Variants in ITPKC observed in about 807,000 individuals in gnomAD.
ITPKC encodes inositol-trisphosphate 3-kinase C.
In ITPKC, 33 loss-of-function variants were observed where a neutral mutation model predicts 67.1. The observed-to-expected ratio is 0.49, with a 90% CI of 0.37 to 0.66. ITPKC has a LOEUF of 0.66. Ranked by LOEUF, ITPKC falls within the 30% of genes least tolerant of loss-of-function variation. The probability of loss-of-function intolerance (pLI) is 0.00; values close to 1 mark genes in which losing one functional copy is unlikely to be tolerated. For synonymous variants in ITPKC, 341 were observed against 359.8 expected (o/e 0.95, Z 0.59); for missense variants, 820 against 892.1 (o/e 0.92, Z 1.03).
chr19:40,729,495 G>GT, intron 3 of ITPKC, 80 bp downstream of exon 3: 1 of 1,233,998 alleles, frequency 8.1e-7, no homozygotes. Flanking sequence ...GCCAGGCGCG[G>GT]TGGCTCACGC....
At chr19:40,736,822 C>CA (rs765434709) in intron 4 of ITPKC, among the ~76,000 whole-genome samples, 164 bp from the exon 5 acceptor site, 56 of 115,410 alleles carry the variant, frequency 4.9e-4, no homozygotes, top group Non-Finnish European at 8.1e-4. Flanking sequence ...CATACTACCA[C>CA]ACCAGAATTT....
At chr19:40,725,286 G>T (rs2082241341) in intron 1 of ITPKC, 54 bp from the exon 2 acceptor site, 1 of 1,182,926 alleles carries the variant, frequency 8.5e-7, no homozygotes. Context: ...AGCACCTCTA[G>T]CCCCTGCCTT....
At chr19:40,726,606 G>A (rs2082247496) in intron 2 of ITPKC, among the ~76,000 whole-genome samples, 1 of 152,140 alleles carries the variant, frequency 6.6e-6, no homozygotes, top group Admixed American at 6.5e-5. Flanking sequence ...TGTGCCCATT[G>A]GCAAATGGCG....
chr19:40,733,468 G>C, intron 4 of ITPKC, 104 bp downstream of exon 4: 19 of 1,091,586 alleles, frequency 1.7e-5, no homozygotes, highest in Non-Finnish European at 2.5e-5. Flanking sequence ...GACGGCGTGG[G>C]ATGAAAGGCT....
chr19:40,717,316 C>G lies in ITPKC; in HGVS notation c.181C>G (p.Arg61Gly), dbSNP rs762850257. 1.1e-4 allele frequency: 167 copies of G among 1,576,776 alleles called. No individual in the cohort carries two copies. In the East Asian group the frequency reaches 3.6e-3, roughly 34 times the overall value. ...GCCGGAGGGGGGCGGGCCCTGGGCC[C>G]GGACAGAGGGGTCCAGCCTCCACAG... ...GRPEGGGPWA[R>G]TEGSSLHSEP... The change falls in exon 1 of 7, where the codon CGG becomes GGG. Residue 61 changes from arginine to glycine, a missense_variant. Transcript: ENST00000263370.
At chr19:40,737,804 G>T in intron 6 of ITPKC, 35 bp downstream of exon 6, 1 of 1,555,592 alleles carries the variant, frequency 6.4e-7, no homozygotes, top group Non-Finnish European at 8.9e-7. Context: ...GGATGTATGG[G>T]TGTCGGGGTC....
At chr19:40,724,857 A>T (rs527646990) in intron 1 of ITPKC, among the ~76,000 whole-genome samples, 51 of 151,546 alleles carry the variant, frequency 3.4e-4, no homozygotes, top group African/African-American at 1.2e-3. Flanking sequence ...GTGAGGCAGG[A>T]GGATCACTTG....
chr19:40,718,994 G>C lies in ITPKC; in HGVS notation c.1155+704G>C, dbSNP rs565800479. 6.4e-4 allele frequency among the ~76,000 whole-genome samples: 98 copies of C among 152,262 alleles called. No individual in the cohort carries two copies. In the East Asian group the frequency reaches 0.014, roughly 23 times the overall value. On this transcript the variant is annotated intron_variant, in intron 1 of 6. Transcript: ENST00000263370. ...GGTGTGGCTCTCCCCTGGTGAATCA[G>C]GAGGACCGGCCGGGCAGGTTCAGGG...
At chr19:40,724,049 G>A (rs1480425961) in intron 1 of ITPKC, among the ~76,000 whole-genome samples, 2 of 152,162 alleles carry the variant, frequency 1.3e-5, no homozygotes, top group African/African-American at 4.8e-5. Context: ...GGGAACAAAC[G>A]TGGCGAGTCA....
chr19:40,724,279 ACTC>A (rs1169609141), intron 1 of ITPKC, among the ~76,000 whole-genome samples: 2 of 152,134 alleles, frequency 1.3e-5, no homozygotes, highest in African/African-American at 4.8e-5. Context: ...AGTCCTGACT[ACTC>A]AGGAGGCTGG....
chr19:40,719,394 T>TAAC (rs1555761327), intron 1 of ITPKC, among the ~76,000 whole-genome samples: 85 of 151,278 alleles, frequency 5.6e-4, no homozygotes, highest in Non-Finnish European at 5.8e-4. Flanking sequence ...ATAATAATAA[T>TAAC]AACAACAACA....
chr19:40,723,535 C>T (rs2082232332), intron 1 of ITPKC, among the ~76,000 whole-genome samples: 1 of 150,976 alleles, frequency 6.6e-6, no homozygotes, highest in Non-Finnish European at 1.5e-5. Flanking sequence ...CTTGCTCTGT[C>T]GCCCAGGCTG....
At chr19:40,735,021 C>T (rs557652096) in intron 4 of ITPKC, among the ~76,000 whole-genome samples, 1 of 152,154 alleles carries the variant, frequency 6.6e-6, no homozygotes, top group Non-Finnish European at 1.5e-5. Context: ...ACCTTGTGAT[C>T]CACCCGCCTT....
rs374509832 is a variant in ITPKC at position 40,737,063 on chromosome 19, C to G, written c.1752C>G (p.Phe584Leu). Residue 584 changes from phenylalanine (F) to leucine (L), a missense_variant, in exon 5 of 7, where the codon TTC becomes TTG. Transcript: ENST00000263370. ...LEQVTKVLEDFVDGDHVILQK... is the reference protein window; with the variant it reads ...LEQVTKVLEDLVDGDHVILQK... ...AGGTGACAAAAGTGCTGGAGGACTT[C>G]GTGGATGGAGACCACGTCATCCTGG... is the stretch of plus-strand genomic sequence containing the variant. 1.3e-6 allele frequency: 2 copies of G among 1,583,920 alleles called. No individual in the cohort carries two copies. Among genetic ancestry groups the G allele is most frequent in the East Asian group, 2.3e-5 (1 of 43,502 alleles).
At chr19:40,722,984 T>C (rs1273726827) in intron 1 of ITPKC, among the ~76,000 whole-genome samples, 4 of 151,132 alleles carry the variant, frequency 2.6e-5, no homozygotes, top group African/African-American at 4.9e-5. Context: ...TTTTTTGAGA[T>C]GGAGTCTCGC....
At chr19:40,732,861 A>G (rs572189702) in intron 3 of ITPKC, among the ~76,000 whole-genome samples, 35 of 152,338 alleles carry the variant, frequency 2.3e-4, no homozygotes, top group African/African-American at 8.4e-4. Context: ...ATTTAGACCT[A>G]CATTCCAGAT....
At chr19:40,735,878 C>T (rs140727501) in intron 4 of ITPKC, among the ~76,000 whole-genome samples, 28 of 152,312 alleles carry the variant, frequency 1.8e-4, no homozygotes, top group African/African-American at 6.7e-4. Context: ...ATCCTACACA[C>T]CTGGTTTCCT....
rs2082232236 is a variant in ITPKC at position 40,723,511 on chromosome 19, GT to G, written c.1156-1824del. On this transcript the variant is annotated intron_variant, in intron 1 of 6. Coordinates refer to ENST00000263370, the MANE Select transcript of ITPKC (RefSeq NM_025194.3). Reference sequence around the variant, plus strand: ...CCTATATTTGTTTTGTTTTTTTTTTGTTTTTGAGACAGTCTTGCTCTGTCGC... The same window carrying G: ...CCTATATTTGTTTTGTTTTTTTTTTGTTTTGAGACAGTCTTGCTCTGTCGC... 8.9e-5 allele frequency among the ~76,000 whole-genome samples: 11 copies of G among 124,120 alleles called. No homozygotes were observed. The Middle Eastern group carries it at 0.023, about 260-fold the overall frequency. The allele number at this position is 124,120 out of a possible 152,430, so 81.4% of individuals were successfully genotyped here.
chr19:40,737,844 G>C lies in ITPKC; in HGVS notation c.1848+75G>C. On this transcript the variant is annotated intron_variant, in intron 6 of 6. Coordinates refer to ENST00000263370, the MANE Select transcript of ITPKC (RefSeq NM_025194.3). ...TGCATGGAGGGGAAACCATTGATGA[G>C]TTACAGGTCAAAGATATAAAAAGGG... is the stretch of plus-strand genomic sequence containing the variant. The C allele has an allele frequency of 1.4e-5, 18 of 1,246,630 alleles. No individual in the cohort carries two copies. In the South Asian group the frequency reaches 1.9e-4, roughly 13 times the overall value. 77.2% of individuals were successfully genotyped at this position (1,246,630 alleles called of 1,614,324 possible). A position where few individuals can be genotyped will look rare whatever the true frequency, so the allele number is the denominator to read the frequency against.
Sources: allele counts gnomAD v4.1 joint callset (sites outside exome capture counted in the v4.1 genomes callset), GRCh38; gene constraint gnomAD v4.1.1; transcripts MANE v1.5; gene names NCBI Gene and HGNC (gene_info 2026-07-23, HGNC 2026-07-21).